The following BMF variants were observed in gnomAD, a reference collection of about 807,000 sequenced individuals.
BMF encodes bcl-2-modifying factor.
BMF carries 10 observed loss-of-function variants against 22.0 expected under a neutral mutation model. The observed-to-expected ratio is 0.45, with a 90% CI of 0.28 to 0.77. The LOEUF (loss-of-function observed/expected upper bound fraction) is 0.77. Ranked by LOEUF, BMF falls within the 30% of genes least tolerant of loss-of-function variation. The pLI is 0.13. For synonymous variants in BMF, 87 were observed against 88.1 expected (o/e 0.99, Z 0.07); for missense variants, 206 against 226.8 (o/e 0.91, Z 0.59).
At chr15:40,099,356 G>A (rs2036428197) in intron 4 of BMF, among the ~76,000 whole-genome samples, 1 of 152,176 alleles carries the variant, frequency 6.6e-6, no homozygotes, top group Admixed American at 6.5e-5. Flanking sequence ...TACAAAGTCA[G>A]GTCCAAGCAA....
chr15:40,101,116 A>G (rs2036467799), intron 4 of BMF, among the ~76,000 whole-genome samples: 1 of 152,232 alleles, frequency 6.6e-6, no homozygotes, highest in East Asian at 1.9e-4. Flanking sequence ...ACAGATGATC[A>G]GTCTGGACAC....
Position 40,088,249 on chromosome 15 carries a change from T to G in BMF, c.*3538A>C, listed in dbSNP as rs927613393. 6.6e-6 allele frequency: 1 copy of G among 152,584 alleles called. No individual in the cohort carries two copies. Among genetic ancestry groups the G allele is most frequent in the African/African-American group, 2.4e-5 (1 of 41,440 alleles). 9.5% of individuals were successfully genotyped at this position (152,584 alleles called of 1,614,324 possible). On this transcript the variant is annotated 3_prime_UTR_variant, in exon 5 of 5. Coordinates refer to ENST00000354670, the MANE Select transcript of BMF (RefSeq NM_001003940.2). ...GAGCACCTTTAGCTGGGAGGCTGGCTGGGCACCTATGAGCTCAGCTTTTTC... is the reference window on the plus strand; with the variant it reads ...GAGCACCTTTAGCTGGGAGGCTGGCGGGGCACCTATGAGCTCAGCTTTTTC...
chr15:40,092,037 A>C (rs552464233), intron 4 of BMF, 149 bp from the exon 5 acceptor site: 216 of 630,924 alleles, frequency 3.4e-4, no homozygotes, highest in Non-Finnish European at 3.9e-4. Context: ...GAGGAGGGGG[A>C]GGTGAAAGAG....
In BMF at chr15:40,091,076, A is replaced by G. The variant is rs2036220912; in HGVS notation, c.*711T>C. The G allele has an allele frequency of 6.5e-6, 1 of 152,672 alleles. No homozygotes were observed. Among genetic ancestry groups the G allele is most frequent in the Admixed American group, 6.5e-5 (1 of 15,292 alleles). 9.5% of individuals were successfully genotyped at this position (152,672 alleles called of 1,614,324 possible). ...AATCCTGGGGCCTCCAAGTGGGACC[A>G]AGTCAGTTTTGAGGCCTAGCCAGAA... On this transcript the variant is annotated 3_prime_UTR_variant, in exon 5 of 5. Coordinates refer to ENST00000354670, the MANE Select transcript of BMF (RefSeq NM_001003940.2).
At position 40,091,668 on chromosome 15, in the gene BMF, T is replaced by C. The variant is rs1172893942; in HGVS notation, c.*119A>G. The C allele has an allele frequency of 3.9e-6, 3 of 777,010 alleles. No homozygotes were observed. In the Admixed American group the frequency reaches 8.6e-5, roughly 22 times the overall value. The allele number at this position is 777,010 out of a possible 1,614,324, so 48.1% of individuals were successfully genotyped here. On this transcript the variant is annotated 3_prime_UTR_variant, in exon 5 of 5. Coordinates refer to ENST00000354670, the MANE Select transcript of BMF (RefSeq NM_001003940.2). ...ACACTCAGAGAGAAATTAAAAAAAA[T>C]TAAAACACAAAATAACAACAAAAAA...
chr15:40,106,238 A>G lies in BMF; in HGVS notation c.-5-147T>C. On this transcript the variant is annotated intron_variant, in intron 2 of 4. Coordinates refer to ENST00000354670, the MANE Select transcript of BMF (RefSeq NM_001003940.2). This position sits in a 1 kb window ranked among gnomAD's most constrained non-coding sequence, Gnocchi z 4.1. ...TGATGACATACAACCCTGGTAATAA[A>G]GCACTGCTAAGGGTGACATTCACTC... 1 of 875,164 alleles carries G rather than the reference A, an allele frequency of 1.1e-6. No individual in the cohort carries two copies. Among genetic ancestry groups the G allele is most frequent in the South Asian group, 1.9e-5 (1 of 53,550 alleles). 54.2% of individuals were successfully genotyped at this position (875,164 alleles called of 1,614,324 possible).
chr15:40,092,819 C>T (rs573199101), intron 4 of BMF, among the ~76,000 whole-genome samples: 5 of 151,870 alleles, frequency 3.3e-5, no homozygotes, highest in East Asian at 1.9e-4. Context: ...CTGGAAGAGG[C>T]GGTCTTTGTT....
chr15:40,105,483 C>T (rs2036567739), intron 3 of BMF, among the ~76,000 whole-genome samples: 1 of 152,198 alleles, frequency 6.6e-6, no homozygotes, highest in Non-Finnish European at 1.5e-5. Flanking sequence ...TCCAGGGCAA[C>T]AGGAGCCACT....
rs539118143 is a variant in BMF at position 40,088,121 on chromosome 15, G to C, written c.*3666C>G. ...TGCTACATTCTCACTGGGTCTCCTC[G>C]ATAGCCCCTGTGGATCCAGGGATGG... On this transcript the variant is annotated 3_prime_UTR_variant, in exon 5 of 5. Coordinates refer to ENST00000354670, the MANE Select transcript of BMF (RefSeq NM_001003940.2). 12 of 152,714 alleles carry C rather than the reference G, an allele frequency of 7.9e-5. No individual in the cohort carries two copies. Among genetic ancestry groups the C allele is most frequent in the African/African-American group, 2.2e-4 (9 of 41,544 alleles). The allele number at this position is 152,714 out of a possible 1,614,324, so 9.5% of individuals were successfully genotyped here. A position where few individuals can be genotyped will look rare whatever the true frequency, so the allele number is the denominator to read the frequency against.
chr15:40,098,514 C>A (rs537532307), intron 4 of BMF, among the ~76,000 whole-genome samples: 4 of 152,310 alleles, frequency 2.6e-5, no homozygotes, highest in African/African-American at 9.6e-5. Flanking sequence ...TGCAAAATAA[C>A]CCCAGGTTCT....
chr15:40,098,781 T>C (rs2036415438), intron 4 of BMF, among the ~76,000 whole-genome samples: 1 of 151,958 alleles, frequency 6.6e-6, no homozygotes, highest in African/African-American at 2.4e-5. Context: ...AAAAAGCCAA[T>C]TTCCATCCCA....
chr15:40,091,704 A>G lies in BMF; in HGVS notation c.*83T>C. On this transcript the variant is annotated 3_prime_UTR_variant, in exon 5 of 5. Transcript: ENST00000354670. ...AATAACAACAAAAAAACAATTTCAC[A>G]AGACACAGTGTCAGTCCTGCCCGAT... 3.0e-6 allele frequency: 3 copies of G among 1,005,802 alleles called. 1 individual carries two copies. The South Asian group carries it at 4.6e-5, about 15-fold the overall frequency. The allele number at this position is 1,005,802 out of a possible 1,614,324, so 62.3% of individuals were successfully genotyped here.
At chr15:40,102,824 A>G (rs908068195) in intron 4 of BMF, among the ~76,000 whole-genome samples, 3 of 152,222 alleles carry the variant, frequency 2.0e-5, no homozygotes, top group African/African-American at 7.2e-5. Flanking sequence ...GTGAGTCCAC[A>G]CATGGACTGA....
chr15:40,095,163 G>A (rs1363621129), intron 4 of BMF, among the ~76,000 whole-genome samples: 1 of 152,212 alleles, frequency 6.6e-6, no homozygotes, highest in Non-Finnish European at 1.5e-5. Context: ...ATACCACACA[G>A]GCTCCCTTTG....
In BMF at chr15:40,089,620, C is replaced by G. The variant is rs1348852544; in HGVS notation, c.*2167G>C. ...TCTGAAGCTGATGGCCTTGCCCCAG[C>G]ACCAAGATCTAAATCATTTTCTCTC... is the stretch of plus-strand genomic sequence containing the variant. On this transcript the variant is annotated 3_prime_UTR_variant, in exon 5 of 5. Transcript: ENST00000354670. 6.6e-6 allele frequency: 1 copy of G among 152,236 alleles called. No individual in the cohort carries two copies. The highest frequency in any genetic ancestry group is 1.5e-5 in the Non-Finnish European group (1 of 68,056). The allele number at this position is 152,236 out of a possible 1,614,324, so 9.4% of individuals were successfully genotyped here.
chr15:40,093,690 A>G (rs1023517558), intron 4 of BMF, among the ~76,000 whole-genome samples: 3 of 152,178 alleles, frequency 2.0e-5, no homozygotes, highest in Admixed American at 2.0e-4. Context: ...CTGGAATTCC[A>G]GTTCTCCTGA....
In BMF at chr15:40,100,370, C is replaced by T. The variant is rs568959444; in HGVS notation, c.453+3810G>A. 6.6e-5 allele frequency among the ~76,000 whole-genome samples: 10 copies of T among 152,342 alleles called. No individual in the cohort carries two copies. The East Asian group carries it at 1.9e-3, about 29-fold the overall frequency. On this transcript the variant is annotated intron_variant, in intron 4 of 4. Coordinates refer to ENST00000354670, the MANE Select transcript of BMF (RefSeq NM_001003940.2). ...GAAGCTGGACACAGAAGCACCACAG[C>T]ACCACCCTCAAGATAAGTCATTATC...
Position 40,106,177 on chromosome 15 carries a change from C to T in BMF, c.-5-86G>A, listed in dbSNP as rs1441148473. On this transcript the variant is annotated intron_variant, in intron 2 of 4. Transcript: ENST00000354670. This position sits in a 1 kb window ranked among gnomAD's most constrained non-coding sequence, Gnocchi z 4.1. ...CTCCCCTTCCCTTCTTCCTACCATACTCCCCCTTCTTATTTGAGCTGGCCG... is the reference window on the plus strand; with the variant it reads ...CTCCCCTTCCCTTCTTCCTACCATATTCCCCCTTCTTATTTGAGCTGGCCG... 9.8e-6 allele frequency: 14 copies of T among 1,427,586 alleles called. No individual in the cohort carries two copies. Among genetic ancestry groups the T allele is most frequent in the Non-Finnish European group, 1.3e-5 (14 of 1,074,690 alleles). 88.4% of individuals were successfully genotyped at this position (1,427,586 alleles called of 1,614,324 possible).
chr15:40,104,090 A>T, intron 4 of BMF, 90 bp downstream of exon 4: 1 of 1,525,512 alleles, frequency 6.6e-7, no homozygotes, highest in Non-Finnish European at 9.0e-7. Flanking sequence ...GGTCTGGCAG[A>T]GACAGAGTTG....
Sources: gnomAD v4.1 joint callset for allele counts (sites outside exome capture counted in the v4.1 genomes callset) on GRCh38, gnomAD v4.1.1 for gene constraint, Gnocchi (gnomAD v3.1) non-coding constraint, MANE v1.5 for transcripts, NCBI Gene and HGNC (gene_info 2026-07-23, HGNC 2026-07-21) for gene names.